The following AIRIM variants were observed in gnomAD, a reference collection of about 807,000 sequenced individuals.
AIRIM encodes the protein AFG2-interacting ribosome maturation factor.
chr1:37,682,560 C>T, the AIRIM span: 1 of 152,828 alleles, frequency 6.5e-6, no homozygotes, highest in Admixed American at 6.5e-5. Context: ...TGCACCACCT[C>T]CCCCTGGTGG....
the AIRIM span, chr1:37,682,294 C>G: frequency 6.6e-6 from 1 of 152,242 alleles, no homozygotes; most frequent in African/African-American, 2.4e-5. Context: ...GCTGAAAGAT[C>G]TGAAAGTAAC....
At chr1:37,686,591 G>GGGCC in the AIRIM span, 2 of 804,824 alleles carry the variant, frequency 2.5e-6, no homozygotes, top group Non-Finnish European at 3.9e-6. Context: ...GGACGTGTAG[G>GGGCC]AGCATGCCTG....
At chr1:37,683,472 G>A in the AIRIM span, 1 of 1,603,972 alleles carries the variant, frequency 6.2e-7, no homozygotes, top group Non-Finnish European at 8.5e-7. Flanking sequence ...AAAAGAAAAT[G>A]CAGTATGCTG....
At chr1:37,691,811 G>A in the AIRIM span, among the ~76,000 whole-genome samples, 1 of 152,250 alleles carries the variant, frequency 6.6e-6, no homozygotes, top group Non-Finnish European at 1.5e-5. Context: ...CCCGCGCTGC[G>A]CACCCAGTCG....
At chr1:37,681,715 G>A in the AIRIM span, 1 of 152,106 alleles carries the variant, frequency 6.6e-6, no homozygotes, top group East Asian at 1.9e-4. Context: ...TAATCAGAAT[G>A]TATTACCTTT....
the AIRIM span, among the ~76,000 whole-genome samples, chr1:37,688,901 G>A: frequency 8.3e-4 from 126 of 151,014 alleles, 1 homozygote; most frequent in Admixed American, 4.4e-3. Flanking sequence ...GGGAAATCGA[G>A]GCTACAATGA....
chr1:37,689,627 A>G, the AIRIM span: 1 of 1,611,160 alleles, frequency 6.2e-7, no homozygotes, highest in Non-Finnish European at 8.5e-7. Context: ...TAGCTTGTCC[A>G]GGACGATGTC....
the AIRIM span, chr1:37,683,842 G>A: frequency 1.2e-5 from 2 of 163,460 alleles, no homozygotes; most frequent in Non-Finnish European, 2.7e-5. Context: ...AATGAATTCA[G>A]GGAAAGCAAA....
At chr1:37,683,462 A>C in the AIRIM span, 15 of 1,608,226 alleles carry the variant, frequency 9.3e-6, no homozygotes, top group East Asian at 2.7e-4. Flanking sequence ...AGGACTGCTC[A>C]AAAGAAAATG....
the AIRIM span, chr1:37,686,273 G>A: frequency 9.3e-6 from 15 of 1,611,728 alleles, no homozygotes; most frequent in South Asian, 8.8e-5. Context: ...CAAAGGATAC[G>A]ACTTTCGATA....
At chr1:37,689,483 T>G in the AIRIM span, 5 of 1,198,264 alleles carry the variant, frequency 4.2e-6, no homozygotes, top group Non-Finnish European at 4.6e-6. Context: ...TAAGGAAGGT[T>G]GAGATACCTC....
the AIRIM span, chr1:37,689,669 T>C: frequency 1.2e-6 from 2 of 1,613,884 alleles, no homozygotes; most frequent in Non-Finnish European, 1.7e-6. Context: ...CCTCAGCCGC[T>C]CTTTTAAATC....
the AIRIM span, chr1:37,690,509 G>A: frequency 2.5e-6 from 3 of 1,192,176 alleles, no homozygotes; most frequent in East Asian, 6.0e-5. Flanking sequence ...TGCACCACGC[G>A]CCCACAGTCT....
At chr1:37,688,965 CAAAAAA>C in the AIRIM span, among the ~76,000 whole-genome samples, 6 of 106,320 alleles carry the variant, frequency 5.6e-5, no homozygotes, top group East Asian at 7.8e-4. Flanking sequence ...GACCCTGTCT[CAAAAAA>C]AAAAAAAAAA....
At chr1:37,686,206 G>T in the AIRIM span, 1 of 1,442,918 alleles carries the variant, frequency 6.9e-7, no homozygotes, top group Admixed American at 2.4e-5. Context: ...TTCCAATCTT[G>T]TGAAAACTGA....
At chr1:37,686,835 A>G in the AIRIM span, among the ~76,000 whole-genome samples, 2 of 152,104 alleles carry the variant, frequency 1.3e-5, no homozygotes, top group African/African-American at 4.8e-5. Flanking sequence ...TGGGAGGCTG[A>G]GCGGGGTGGA....
chr1:37,683,175 CAG>C, the AIRIM span: 3 of 1,609,832 alleles, frequency 1.9e-6, no homozygotes, highest in Middle Eastern at 1.7e-4. Context: ...AATAGGAAGA[CAG>C]AAAAAATGGC....
At chr1:37,682,787 G>T in the AIRIM span, 1 of 217,138 alleles carries the variant, frequency 4.6e-6, no homozygotes, top group Non-Finnish European at 9.2e-6. Context: ...TTTGCCTCTT[G>T]TCCTTGCTTC....
At chr1:37,686,823 T>TAC in the AIRIM span, among the ~76,000 whole-genome samples, 1 of 152,064 alleles carries the variant, frequency 6.6e-6, no homozygotes, top group Admixed American at 6.5e-5. Flanking sequence ...TAATCCCAGC[T>TAC]TTGGGAGGCT....
Sources: allele counts gnomAD v4.1 joint callset (sites outside exome capture counted in the v4.1 genomes callset), GRCh38; gene constraint gnomAD v4.1.1; transcripts MANE v1.5; gene names NCBI Gene and HGNC (gene_info 2026-07-23, HGNC 2026-07-21).